Variants in FGD5 observed in about 807,000 individuals in gnomAD.
The protein encoded by FGD5 is FYVE, RhoGEF and PH domain-containing protein 5.
In FGD5, 28 loss-of-function variants were observed where a neutral mutation model predicts 133.4. The ratio of observed to expected loss-of-function variants is 0.21; its 90% CI spans 0.16 to 0.29. The LOEUF (loss-of-function observed/expected upper bound fraction) is 0.29. Among genes scored for constraint, FGD5 ranks in the 10% least tolerant of loss-of-function variants. FGD5 has a pLI of 1.00. For synonymous variants in FGD5, 810 were observed against 776.5 expected, an observed-to-expected ratio of 1.04 and a Z score of -0.72; for missense variants, 1,858 against 1,895.2, an observed-to-expected ratio of 0.98 and a Z score of 0.36.
At chr3:14,892,238 A>G (rs1018772875) in intron 4 of FGD5, among the ~76,000 whole-genome samples, 7 of 151,336 alleles carry the variant, frequency 4.6e-5, no homozygotes, top group East Asian at 1.9e-4. Context: ...GTCTAGCTCT[A>G]TCACCCAGGC....
In FGD5 at chr3:14,932,787, T is replaced by G. The variant is rs2038921710; in HGVS notation, c.4352+56T>G. ...TTTTGTTCTCTCAGAAGGCAACAAG[T>G]TGTTTCTTGGGGCTTTGGCTTCTGT... On this transcript the variant is annotated intron_variant, in intron 19 of 19. Transcript: ENST00000285046. 6 of 1,577,348 alleles carry G rather than the reference T, an allele frequency of 3.8e-6. No individual in the cohort carries two copies. The African/African-American group carries it at 5.4e-5, about 14-fold the overall frequency.
At chr3:14,928,517 G>A (rs922471406) in intron 18 of FGD5, among the ~76,000 whole-genome samples, 2 of 152,176 alleles carry the variant, frequency 1.3e-5, no homozygotes, top group Non-Finnish European at 2.9e-5. Context: ...GGCTGAGGCA[G>A]GAGGATCACT....
At chr3:14,845,556 A>G (rs964068350) in intron 1 of FGD5, among the ~76,000 whole-genome samples, 1 of 152,190 alleles carries the variant, frequency 6.6e-6, no homozygotes, top group Admixed American at 6.5e-5. Context: ...AAGTCTAGGA[A>G]CAGGTGATGC....
At chr3:14,885,841 A>G (rs141550626) in intron 4 of FGD5, among the ~76,000 whole-genome samples, 5 of 152,358 alleles carry the variant, frequency 3.3e-5, no homozygotes, top group African/African-American at 1.2e-4. Flanking sequence ...AGTCTCTCCT[A>G]TTCAATGGGA....
chr3:14,837,323 C>A (rs6766170), intron 1 of FGD5, among the ~76,000 whole-genome samples: 69,926 of 152,100 alleles, frequency 0.46, 16,465 homozygotes, highest in Non-Finnish European at 0.49. Flanking sequence ...TGGAGTTTGG[C>A]TTGCCTGTAA....
intron 1 of FGD5, among the ~76,000 whole-genome samples, chr3:14,856,375 A>G (rs1253529256): frequency 1.3e-5 from 2 of 152,090 alleles, no homozygotes; most frequent in Non-Finnish European, 2.9e-5. Flanking sequence ...GGCTCCATGT[A>G]AATTTTAGAA....
In FGD5 at chr3:14,820,319, G is replaced by A; in HGVS notation, c.1248G>A (p.Val416=). 6.2e-7 allele frequency: 1 copy of A among 1,609,304 alleles called. No individual in the cohort carries two copies. Among genetic ancestry groups the A allele is most frequent in the Non-Finnish European group, 8.5e-7 (1 of 1,177,302 alleles). ...CCGCAGCCCCTGATGTGGTGGTCGTGCTGGAGGAGGAGGCCTTGGATGATG... is the reference window on the plus strand; with the variant it reads ...CCGCAGCCCCTGATGTGGTGGTCGTACTGGAGGAGGAGGCCTTGGATGATG... ...EGPAAPDVVV[V]LEEEALDDAL... is the part of the protein sequence containing the mutation. The change falls in exon 1 of 20, where the codon GTG becomes GTA. Residue 416 remains valine, a synonymous_variant. Coordinates refer to ENST00000285046, the MANE Select transcript of FGD5 (RefSeq NM_152536.4).
At chr3:14,837,515 T>A (rs1179587742) in intron 1 of FGD5, among the ~76,000 whole-genome samples, 1 of 152,208 alleles carries the variant, frequency 6.6e-6, no homozygotes, top group Non-Finnish European at 1.5e-5. Flanking sequence ...TAGCCTTCTC[T>A]AGGTTTTGCG....
chr3:14,870,054 C>G (rs2125109196), intron 2 of FGD5, among the ~76,000 whole-genome samples: 1 of 152,336 alleles, frequency 6.6e-6, no homozygotes, highest in South Asian at 2.1e-4. Flanking sequence ...AACATTCCTG[C>G]CAATAGCGCA....
intron 1 of FGD5, among the ~76,000 whole-genome samples, chr3:14,838,468 A>G (rs1227767781): frequency 1.3e-5 from 2 of 152,182 alleles, no homozygotes; most frequent in Non-Finnish European, 2.9e-5. Context: ...GATTCTGCCT[A>G]TTACAGTCTT....
At chr3:14,813,576 G>A (rs538625256) in intron 1 of FGD5, among the ~76,000 whole-genome samples, 33 of 152,366 alleles carry the variant, frequency 2.2e-4, no homozygotes, top group African/African-American at 7.5e-4. Flanking sequence ...CTGAAGATGG[G>A]ATGTCAGAGG....
chr3:14,922,597 G>GT lies in FGD5; in HGVS notation c.3807+49_3807+50insT. The GT allele has an allele frequency of 7.6e-7, 1 of 1,320,806 alleles. No individual in the cohort carries two copies. The highest frequency in any genetic ancestry group is 1.0e-6 in the Non-Finnish European group (1 of 962,388). The allele number at this position is 1,320,806 out of a possible 1,614,324, so 81.8% of individuals were successfully genotyped here. On this transcript the variant is annotated intron_variant, in intron 15 of 19. Coordinates refer to ENST00000285046, the MANE Select transcript of FGD5 (RefSeq NM_152536.4). This position sits in a 1 kb window ranked among gnomAD's most constrained non-coding sequence, Gnocchi z 4.1. The stretch of plus-strand genomic sequence containing the variant: ...GTGTGTGCATGGGGGTGGGGTGGGG[G>GT]AAGGGCATGTCCCTGCCCAGCCGGG...
chr3:14,864,126 A>G lies in FGD5; in HGVS notation c.2526-2A>G. The stretch of plus-strand genomic sequence containing the variant: ...ACCCTTCTTTCCCCTGCTTTGACCC[A>G]GCGCCTACACAGAGCCCTACAAAGT... On this transcript the variant is annotated splice_acceptor_variant, in intron 1 of 19. Transcript: ENST00000285046. LOFTEE classifies it high-confidence loss of function. The G allele has an allele frequency of 1.2e-6, 2 of 1,611,942 alleles. No individual in the cohort carries two copies. The highest frequency in any genetic ancestry group is 2.2e-5 in the South Asian group (2 of 90,850).
chr3:14,870,336 G>A (rs2125109476), intron 2 of FGD5, among the ~76,000 whole-genome samples: 2 of 152,256 alleles, frequency 1.3e-5, no homozygotes, highest in South Asian at 4.1e-4. Flanking sequence ...CTTCCCTCAG[G>A]CCATGGCCAT....
chr3:14,852,504 C>T (rs1395013848), intron 1 of FGD5, among the ~76,000 whole-genome samples: 4 of 152,184 alleles, frequency 2.6e-5, no homozygotes, highest in Non-Finnish European at 2.9e-5. Context: ...GTGTTGGCCA[C>T]ACAACTCTTT....
rs955050574 is a variant in FGD5 at position 14,823,378 on chromosome 3, A to C, written c.2525+1782A>C. On this transcript the variant is annotated intron_variant, in intron 1 of 19. Transcript: ENST00000285046. ...GCTGGGTACTCTGATCATGAGGAAGAGTTTCTCTGTGACTGAGGCATATAC... is the reference window on the plus strand; with the variant it reads ...GCTGGGTACTCTGATCATGAGGAAGCGTTTCTCTGTGACTGAGGCATATAC... Among the ~76,000 whole-genome samples, 7 of 152,300 alleles carry C rather than the reference A, an allele frequency of 4.6e-5. No individual in the cohort carries two copies. The East Asian group carries it at 1.2e-3, about 25-fold the overall frequency.
chr3:14,864,389 G>A (rs370377676), intron 2 of FGD5, 129 bp downstream of exon 2: 1 of 1,432,954 alleles, frequency 7.0e-7, no homozygotes, highest in African/African-American at 1.4e-5. Context: ...CTGGATGCAG[G>A]GGCTGAGACA....
At chr3:14,913,651 G>A (rs2038494474) in intron 11 of FGD5, among the ~76,000 whole-genome samples, 1 of 152,134 alleles carries the variant, frequency 6.6e-6, no homozygotes, top group African/African-American at 2.4e-5. Context: ...ATTTGCATCT[G>A]GCCACCTCCT....
At position 14,925,390 on chromosome 3, in the gene FGD5, T is replaced by C. The variant is rs192293314; in HGVS notation, c.4069-680T>C. On this transcript the variant is annotated intron_variant, in intron 17 of 19. Coordinates refer to ENST00000285046, the MANE Select transcript of FGD5 (RefSeq NM_152536.4). Reference sequence around the variant, plus strand: ...TTAGAGATCATTTCATAATCACATATATGTATAAACCTCACATTTTTTACA... The same window carrying C: ...TTAGAGATCATTTCATAATCACATACATGTATAAACCTCACATTTTTTACA... 1.9e-4 allele frequency among the ~76,000 whole-genome samples: 29 copies of C among 152,004 alleles called. No homozygotes were observed. The East Asian group carries it at 3.1e-3, about 16-fold the overall frequency.
Sources: gnomAD v4.1 joint callset for allele counts (sites outside exome capture counted in the v4.1 genomes callset) on GRCh38, gnomAD v4.1.1 for gene constraint, Gnocchi (gnomAD v3.1) non-coding constraint, MANE v1.5 for transcripts, NCBI Gene and HGNC (gene_info 2026-07-23, HGNC 2026-07-21) for gene names.